Variants in PLPPR1 observed in about 807,000 individuals in gnomAD.
The protein encoded by PLPPR1 is phospholipid phosphatase-related protein type 1.
PLPPR1 carries 10 observed loss-of-function variants against 33.1 expected under a neutral mutation model. The observed-to-expected ratio is 0.30, with a 90% CI of 0.19 to 0.51. The LOEUF is 0.51. PLPPR1 is among the 20% of genes least tolerant of loss of function. The probability of loss-of-function intolerance (pLI) is 0.97; values close to 1 mark genes in which losing one functional copy is unlikely to be tolerated. For synonymous variants in PLPPR1, 151 were observed against 151.0 expected (o/e 1.00, Z 0.00); for missense variants, 304 against 408.1 (o/e 0.74, Z 2.20).
intron 3 of PLPPR1, among the ~76,000 whole-genome samples, chr9:101,275,057 T>C (rs1457180509): frequency 6.7e-6 from 1 of 150,196 alleles, no homozygotes; most frequent in Admixed American, 6.6e-5. Flanking sequence ...CCGGATTAAG[T>C]GTTTCACAGA....
intron 5 of PLPPR1, 61 bp from the exon 6 acceptor site, chr9:101,312,737 C>CA (rs1828980616): frequency 1.4e-6 from 2 of 1,435,178 alleles, no homozygotes; most frequent in African/African-American, 2.8e-5. Flanking sequence ...TGCTTGCTTG[C>CA]ATGTGTACTC....
At chr9:101,252,062 C>T (rs779330765) in intron 2 of PLPPR1, among the ~76,000 whole-genome samples, 3 of 152,106 alleles carry the variant, frequency 2.0e-5, no homozygotes, top group African/African-American at 7.2e-5. Context: ...AAGGTTTAAA[C>T]TTACACTTCG....
rs1830502248 is a variant in PLPPR1, at chr9:101,073,326, A to G, written c.-46+44224A>G. On this transcript the variant is annotated intron_variant, in intron 1 of 7. Coordinates refer to ENST00000374874, the MANE Select transcript of PLPPR1 (RefSeq NM_207299.2). ...GCATGTGTTTTGTTTCAATGACTAT[A>G]TAGTGAGGGGTGTTATGCAAAGGGC... is the stretch of plus-strand genomic sequence containing the variant. Among the ~76,000 whole-genome samples the G allele has an allele frequency of 4.6e-5, 7 of 152,122 alleles. No individual in the cohort carries two copies. In the South Asian group the frequency reaches 1.4e-3, roughly 31 times the overall value.
chr9:101,239,349 TC>T (rs1199583967), intron 2 of PLPPR1, among the ~76,000 whole-genome samples: 1 of 151,844 alleles, frequency 6.6e-6, no homozygotes, highest in Non-Finnish European at 1.5e-5. Flanking sequence ...GTGTATGAGT[TC>T]CCTTTTTGGG....
intron 2 of PLPPR1, among the ~76,000 whole-genome samples, chr9:101,210,057 A>T (rs192086909): frequency 6.6e-6 from 1 of 152,360 alleles, no homozygotes; most frequent in East Asian, 1.9e-4. Flanking sequence ...TTTTAGAATT[A>T]TAAAACCAAA....
chr9:101,037,165 A>G (rs895441769), intron 1 of PLPPR1, among the ~76,000 whole-genome samples: 4 of 152,070 alleles, frequency 2.6e-5, no homozygotes, highest in Non-Finnish European at 4.4e-5. Context: ...TATACGGTAC[A>G]TTTATCTTTT....
Position 101,076,750 on chromosome 9 carries a change from C to T in PLPPR1, c.-46+47648C>T, listed in dbSNP as rs200515265. Among the ~76,000 whole-genome samples, 4 of 152,246 alleles carry T rather than the reference C, an allele frequency of 2.6e-5. No homozygotes were observed. The East Asian group carries it at 5.8e-4, about 22-fold the overall frequency. On this transcript the variant is annotated intron_variant, in intron 1 of 7. Coordinates refer to ENST00000374874, the MANE Select transcript of PLPPR1 (RefSeq NM_207299.2). ...GTCTATTTTACTCTGGATATCAGCT[C>T]ATTTTTGGTATTGTGTGTATGTGTA...
chr9:101,301,372 A>G (rs999336563), intron 4 of PLPPR1, among the ~76,000 whole-genome samples: 1 of 152,196 alleles, frequency 6.6e-6, no homozygotes, highest in Non-Finnish European at 1.5e-5. Context: ...TCTCAGTTAT[A>G]AGAGCAATAT....
At chr9:101,223,417 A>G (rs1826995283) in intron 2 of PLPPR1, among the ~76,000 whole-genome samples, 1 of 152,036 alleles carries the variant, frequency 6.6e-6, no homozygotes, top group Non-Finnish European at 1.5e-5. Context: ...GAAATGGCAA[A>G]TGTAGTGTAA....
intron 1 of PLPPR1, among the ~76,000 whole-genome samples, chr9:101,072,877 T>G (rs1830497068): frequency 6.6e-6 from 1 of 152,212 alleles, no homozygotes; most frequent in African/African-American, 2.4e-5. Flanking sequence ...AAGCTTTTTA[T>G]TCTCGCATGT....
At chr9:101,214,425 C>T (rs1384825213) in intron 2 of PLPPR1, among the ~76,000 whole-genome samples, 2 of 151,982 alleles carry the variant, frequency 1.3e-5, no homozygotes, top group East Asian at 3.9e-4. Context: ...TACACATGCA[C>T]ACACACACAT....
At chr9:101,029,339 T>A (rs1829911536) in intron 1 of PLPPR1, among the ~76,000 whole-genome samples, 1 of 152,176 alleles carries the variant, frequency 6.6e-6, no homozygotes, top group African/African-American at 2.4e-5. Flanking sequence ...ACCTCCCTGC[T>A]CATAAACTTT....
rs1384068528 is a variant in PLPPR1, at chr9:101,079,650, G to T, written c.-46+50548G>T. Among the ~76,000 whole-genome samples, 5 of 151,652 alleles carry T rather than the reference G, an allele frequency of 3.3e-5. No individual in the cohort carries two copies. The South Asian group carries it at 6.2e-4, about 19-fold the overall frequency. The stretch of plus-strand genomic sequence containing the variant: ...GCTGGAGTGCAGTGGCACGATCTTG[G>T]CTCACTGCAACCTCTGTCTCCCAGG... On this transcript the variant is annotated intron_variant, in intron 1 of 7. Transcript: ENST00000374874.
At chr9:101,182,114 A>C (rs570831421) in intron 1 of PLPPR1, among the ~76,000 whole-genome samples, 1 of 151,802 alleles carries the variant, frequency 6.6e-6, no homozygotes, top group South Asian at 2.1e-4. Flanking sequence ...CCTGGAGCAC[A>C]TCATGCTAAG....
intron 2 of PLPPR1, among the ~76,000 whole-genome samples, chr9:101,188,419 T>G (rs1826240201): frequency 1.3e-5 from 2 of 152,092 alleles, no homozygotes; most frequent in Non-Finnish European, 2.9e-5. Context: ...CTGTAGTTTT[T>G]TTTCAGACAA....
At chr9:101,057,767 A>G (rs1208037492) in intron 1 of PLPPR1, among the ~76,000 whole-genome samples, 1 of 152,180 alleles carries the variant, frequency 6.6e-6, no homozygotes, top group Non-Finnish European at 1.5e-5. Flanking sequence ...CCTGAAGAAC[A>G]TGCTTTAACC....
intron 2 of PLPPR1, among the ~76,000 whole-genome samples, chr9:101,213,112 T>C (rs1457406035): frequency 6.6e-6 from 1 of 152,190 alleles, no homozygotes; most frequent in Non-Finnish European, 1.5e-5. Flanking sequence ...TTATAGCTAA[T>C]GGTGAAACTA....
chr9:101,180,208 A>G (rs917927232), intron 1 of PLPPR1, among the ~76,000 whole-genome samples: 21 of 141,930 alleles, frequency 1.5e-4, no homozygotes, highest in African/African-American at 5.3e-4. Flanking sequence ...ACACACACAT[A>G]TATATACACA....
At chr9:101,246,067 T>TAGATAG (rs1194450483) in intron 2 of PLPPR1, among the ~76,000 whole-genome samples, 1 of 54,808 alleles carries the variant, frequency 1.8e-5, no homozygotes, top group African/African-American at 4.9e-5. Context: ...TATATATATA[T>TAGATAG]ATATATATAT....
Sources: allele counts gnomAD v4.1 joint callset (sites outside exome capture counted in the v4.1 genomes callset), GRCh38; gene constraint gnomAD v4.1.1; transcripts MANE v1.5; gene names NCBI Gene and HGNC (gene_info 2026-07-23, HGNC 2026-07-21).